Variants in NDUFB3 observed in about 807,000 individuals in gnomAD.
The protein encoded by NDUFB3 is NADH dehydrogenase [ubiquinone] 1 beta subcomplex subunit 3.
Under a neutral mutation model 9.0 loss-of-function variants are expected in NDUFB3, and 7 were observed. The ratio of observed to expected loss-of-function variants is 0.78; its 90% CI spans 0.44 to 1.46. The LOEUF is 1.46. Ranked by LOEUF, NDUFB3 falls within the 40% of genes most tolerant of loss-of-function variation. NDUFB3 has a pLI of 0.01. For synonymous variants in NDUFB3, 29 were observed against 38.5 expected (o/e 0.75, Z 0.91); for missense variants, 93 against 115.4 (o/e 0.81, Z 0.89).
chr2:201,072,664 T>G (rs41514947), intron 1 of NDUFB3, among the ~76,000 whole-genome samples: 2,966 of 152,338 alleles, frequency 0.019, 38 homozygotes, highest in Non-Finnish European at 0.029. Flanking sequence ...TGTTATTATT[T>G]GAGCTGCTCT....
intron 2 of NDUFB3, among the ~76,000 whole-genome samples, chr2:201,084,765 G>A (rs2047270603): frequency 6.6e-6 from 1 of 152,124 alleles, no homozygotes; most frequent in South Asian, 2.1e-4. Flanking sequence ...TATTTCCTAA[G>A]TCATATTTCT....
At chr2:201,081,157 A>G (rs535346794) in intron 2 of NDUFB3, among the ~76,000 whole-genome samples, 1 of 152,174 alleles carries the variant, frequency 6.6e-6, no homozygotes, top group East Asian at 1.9e-4. Context: ...TCACAATGGG[A>G]ATCTATTTCA....
chr2:201,083,040 A>AT (rs889517349), intron 2 of NDUFB3, among the ~76,000 whole-genome samples: 3 of 151,936 alleles, frequency 2.0e-5, no homozygotes, highest in African/African-American at 2.4e-5. Context: ...GTTCAAGTAG[A>AT]TTTTTTTTAC....
At chr2:201,076,027 G>T (rs1359364411) in intron 1 of NDUFB3, among the ~76,000 whole-genome samples, 1 of 152,132 alleles carries the variant, frequency 6.6e-6, no homozygotes, top group African/African-American at 2.4e-5. Context: ...ACTTGTAATG[G>T]TCTTCGTTTG....
chr2:201,084,677 G>C (rs576999418), intron 2 of NDUFB3, among the ~76,000 whole-genome samples: 7 of 152,130 alleles, frequency 4.6e-5, no homozygotes, highest in Non-Finnish European at 1.0e-4. Context: ...TGTTCATGAG[G>C]GATAGTATTC....
At chr2:201,075,854 C>T (rs929996729) in intron 1 of NDUFB3, among the ~76,000 whole-genome samples, 4 of 152,106 alleles carry the variant, frequency 2.6e-5, no homozygotes, top group African/African-American at 9.7e-5. Context: ...GTTTTATACT[C>T]TCTTCCAAAT....
At chr2:201,080,640 A>G (rs764508994) in intron 2 of NDUFB3, among the ~76,000 whole-genome samples, 2 of 150,716 alleles carry the variant, frequency 1.3e-5, no homozygotes, top group Non-Finnish European at 2.9e-5. Context: ...CCTCATTAAT[A>G]TGTCCACCCT....
Position 201,085,729 on chromosome 2 carries a change from T to C in NDUFB3, c.*114T>C. ...CAGAATATTAGTAAGATTTAATCAA[T>C]TAAAATATATATATATGCCAATCTG... On this transcript the variant is annotated 3_prime_UTR_variant, in exon 3 of 3. Transcript: ENST00000237889. 1.3e-6 allele frequency: 1 copy of C among 753,982 alleles called. No individual in the cohort carries two copies. Among genetic ancestry groups the C allele is most frequent in the East Asian group, 2.8e-5 (1 of 35,482 alleles). 46.7% of individuals were successfully genotyped at this position (753,982 alleles called of 1,614,324 possible).
intron 1 of NDUFB3, among the ~76,000 whole-genome samples, chr2:201,076,379 C>T (rs1303952581): frequency 2.6e-5 from 4 of 151,194 alleles, no homozygotes; most frequent in Non-Finnish European, 5.9e-5. Flanking sequence ...GCGTTGTGCA[C>T]ACTCCAGTCC....
chr2:201,078,217 G>A (rs1030154985), intron 1 of NDUFB3, among the ~76,000 whole-genome samples: 1 of 152,154 alleles, frequency 6.6e-6, no homozygotes, highest in African/African-American at 2.4e-5. Flanking sequence ...CAGGAGAATG[G>A]CGTGAACCCG....
At position 201,075,545 on chromosome 2, in the gene NDUFB3, G is replaced by A. The variant is rs556721028; in HGVS notation, c.-2-3336G>A. ...TGCGCCACTGTACTACAGCCTGGGC[G>A]ACAGAGCGAGACTCTGTCTCAAAAA... On this transcript the variant is annotated intron_variant, in intron 1 of 2. Coordinates refer to ENST00000237889, the MANE Select transcript of NDUFB3 (RefSeq NM_002491.3). 1.6e-3 allele frequency among the ~76,000 whole-genome samples: 206 copies of A among 125,504 alleles called. No homozygotes were observed. In the Middle Eastern group the frequency reaches 0.06, roughly 37 times the overall value. The allele number at this position is 125,504 out of a possible 152,430, so 82.3% of individuals were successfully genotyped here. A position where few individuals can be genotyped will look rare whatever the true frequency, so the allele number is the denominator to read the frequency against.
chr2:201,083,570 C>A (rs1264705690), intron 2 of NDUFB3, among the ~76,000 whole-genome samples: 2 of 151,742 alleles, frequency 1.3e-5, no homozygotes, highest in Non-Finnish European at 2.9e-5. Flanking sequence ...TGGTCTCAAG[C>A]TCCCGACCTC....
chr2:201,077,411 A>G, intron 1 of NDUFB3, among the ~76,000 whole-genome samples: 1 of 152,102 alleles, frequency 6.6e-6, no homozygotes, highest in South Asian at 2.1e-4. Flanking sequence ...AAACCAAAGT[A>G]TTTATATAAC....
In NDUFB3 at chr2:201,083,887, G is replaced by A. The variant is rs1002256875; in HGVS notation, c.141-1572G>A. On this transcript the variant is annotated intron_variant, in intron 2 of 2. Transcript: ENST00000237889. ...TAAGAATATTTGCACCAGGTGTGGT[G>A]GCTAATGCCTGTAATCCCAGCACTT... Among the ~76,000 whole-genome samples, 10 of 152,294 alleles carry A rather than the reference G, an allele frequency of 6.6e-5. No individual in the cohort carries two copies. In the South Asian group the frequency reaches 8.3e-4, roughly 13 times the overall value.
rs914345253 is a variant in NDUFB3, at chr2:201,075,712, T to C, written c.-2-3169T>C. On this transcript the variant is annotated intron_variant, in intron 1 of 2. Transcript: ENST00000237889. ...TGAGGGTATGTACGCTTTCATGTTTTCTTTCAAAGATTTATCTTTCAAATT... is the reference window on the plus strand; with the variant it reads ...TGAGGGTATGTACGCTTTCATGTTTCCTTTCAAAGATTTATCTTTCAAATT... 4.6e-5 allele frequency among the ~76,000 whole-genome samples: 7 copies of C among 152,318 alleles called. No individual in the cohort carries two copies. The East Asian group carries it at 9.6e-4, about 21-fold the overall frequency.
intron 1 of NDUFB3, chr2:201,072,402 A>G (rs2047089968): frequency 6.6e-6 from 1 of 152,246 alleles, no homozygotes; most frequent in African/African-American, 2.4e-5. Context: ...TAATATTCAT[A>G]TAATCACAGT....
chr2:201,083,002 C>T lies in NDUFB3; in HGVS notation c.141-2457C>T, dbSNP rs376917912. Among the ~76,000 whole-genome samples, 6 of 152,260 alleles carry T rather than the reference C, an allele frequency of 3.9e-5. No homozygotes were observed. The East Asian group carries it at 7.7e-4, about 20-fold the overall frequency. ...TGCTGGGATTACAGGCGTGAGCCAC[C>T]GCGCCCGGCCGCTAAATTCACTTTT... On this transcript the variant is annotated intron_variant, in intron 2 of 2. Coordinates refer to ENST00000237889, the MANE Select transcript of NDUFB3 (RefSeq NM_002491.3).
intron 1 of NDUFB3, among the ~76,000 whole-genome samples, chr2:201,078,296 C>T (rs2047187518): frequency 1.3e-5 from 2 of 151,582 alleles, no homozygotes; most frequent in Non-Finnish European, 1.5e-5. Context: ...AGCGAGACGC[C>T]GTCTCAAAAA....
At position 201,078,894 on chromosome 2, in the gene NDUFB3, A is replaced by ACATGGACATGAG. The variant is rs1352857089; in HGVS notation, c.22_33dup (p.Glu8_His11dup). 10 of 1,609,882 alleles carry ACATGGACATGAG rather than the reference A, an allele frequency of 6.2e-6. No homozygotes were observed. On this transcript the variant is annotated inframe_insertion, in exon 2 of 3. Coordinates refer to ENST00000237889, the MANE Select transcript of NDUFB3 (RefSeq NM_002491.3). ...TTTTCCTTACAGACATGGCCCATGA[A>ACATGGACATGAG]CATGGACATGAGCATGGACATCATA... is the stretch of plus-strand genomic sequence containing the variant.
Sources: allele counts gnomAD v4.1 joint callset (sites outside exome capture counted in the v4.1 genomes callset), GRCh38; gene constraint gnomAD v4.1.1; transcripts MANE v1.5; gene names NCBI Gene and HGNC (gene_info 2026-07-23, HGNC 2026-07-21).